GRAMD2B: variants seen among roughly 807,000 people sequenced by gnomAD.
GRAMD2B encodes the protein GRAM domain containing 2B, also known as GRAM domain-containing protein 2B.
A neutral mutation model predicts 59.2 loss-of-function variants in GRAMD2B; 41 were observed. The ratio of observed to expected loss-of-function variants is 0.69; its 90% confidence interval spans 0.54 to 0.90. The LOEUF is 0.90. GRAMD2B is among the 40% of genes least tolerant of loss of function. The pLI is 0.00. For missense variants in GRAMD2B, 424 were observed against 500.5 expected (o/e 0.85, Z 1.46); for synonymous variants, 161 against 182.7 (o/e 0.88, Z 0.96).
At chr5:126,363,799 G>T (rs1476527122) in intron 1 of GRAMD2B, among the ~76,000 whole-genome samples, 1 of 152,166 alleles carries the variant, frequency 6.6e-6, no homozygotes, top group African/African-American at 2.4e-5. Flanking sequence ...GTTAGTGGTT[G>T]CTTAGGGCAG....
In GRAMD2B at chr5:126,483,581, G is replaced by A. The variant is rs757291243; in HGVS notation, c.847+7G>A. 1 of 1,514,724 alleles carries A rather than the reference G, an allele frequency of 6.6e-7. No individual in the cohort carries two copies. Among genetic ancestry groups the A allele is most frequent in the South Asian group, 1.1e-5 (1 of 88,322 alleles). 93.8% of individuals were successfully genotyped at this position (1,514,724 alleles called of 1,614,324 possible). On this transcript the variant is annotated splice_region_variant and intron_variant, in intron 9 of 13. Coordinates refer to ENST00000285689, the MANE Select transcript of GRAMD2B (RefSeq NM_023927.4). ...GAATCTGAGAACTCTCGAGGTTTGG[G>A]AAATTGTTGTATTTTGACTAAAATT...
At chr5:126,391,786 T>A (rs1341332308) in intron 1 of GRAMD2B, among the ~76,000 whole-genome samples, 1 of 152,006 alleles carries the variant, frequency 6.6e-6, no homozygotes, top group East Asian at 1.9e-4. Context: ...GGGTACAGGG[T>A]TTTTTGGGGA....
At chr5:126,410,893 CTGTT>C (rs942353317) in intron 1 of GRAMD2B, among the ~76,000 whole-genome samples, 12 of 151,848 alleles carry the variant, frequency 7.9e-5, no homozygotes, top group South Asian at 2.1e-4. Flanking sequence ...TGTTTGTTGA[CTGTT>C]TGTATGTCTT....
intron 1 of GRAMD2B, among the ~76,000 whole-genome samples, chr5:126,439,397 G>A (rs1173263046): frequency 7.0e-6 from 1 of 143,484 alleles, no homozygotes; most frequent in Non-Finnish European, 1.5e-5. Flanking sequence ...CATGACCTCA[G>A]CTCACTGCAA....
intron 3 of GRAMD2B, among the ~76,000 whole-genome samples, chr5:126,470,864 A>G (rs755264613): frequency 6.6e-6 from 1 of 152,160 alleles, no homozygotes; most frequent in Admixed American, 6.6e-5. Context: ...TCAGCCTGCT[A>G]TGTCCCTTTT....
chr5:126,428,882 A>C (rs1460787886), intron 1 of GRAMD2B, among the ~76,000 whole-genome samples: 2 of 152,194 alleles, frequency 1.3e-5, no homozygotes, highest in Non-Finnish European at 2.9e-5. Flanking sequence ...AAAGTCAAAA[A>C]AATAACAGAT....
At chr5:126,399,187 T>A (rs1757616731) in intron 1 of GRAMD2B, among the ~76,000 whole-genome samples, 1 of 152,166 alleles carries the variant, frequency 6.6e-6, no homozygotes, top group East Asian at 1.9e-4. Flanking sequence ...TTAGTGTAAG[T>A]GGGGTATTGA....
intron 11 of GRAMD2B, among the ~76,000 whole-genome samples, chr5:126,486,488 C>A (rs1483932176): frequency 6.6e-6 from 1 of 152,148 alleles, no homozygotes; most frequent in Admixed American, 6.5e-5. Flanking sequence ...GGAAAATATG[C>A]CCAGTCTGGT....
chr5:126,437,085 G>A (rs1218751452), intron 1 of GRAMD2B, among the ~76,000 whole-genome samples: 1 of 152,188 alleles, frequency 6.6e-6, no homozygotes, highest in Non-Finnish European at 1.5e-5. Context: ...TATCTATAAG[G>A]CACAGGGGCC....
At position 126,467,596 on chromosome 5, in the gene GRAMD2B, T is replaced by A. The variant is rs970550466; in HGVS notation, c.203+2051T>A. 5.9e-5 allele frequency: 9 copies of A among 152,316 alleles called. No homozygotes were observed. In the East Asian group the frequency reaches 1.7e-3, roughly 29 times the overall value. The allele number at this position is 152,316 out of a possible 1,614,324, so 9.4% of individuals were successfully genotyped here. On this transcript the variant is annotated intron_variant, in intron 2 of 13. Transcript: ENST00000285689. ...TTTCCTTGCCCATTCCATTAACATT[T>A]ATTAATGGGAATCAGTAGAGGTGAT...
At chr5:126,447,339 G>A (rs1764429392) in intron 1 of GRAMD2B, among the ~76,000 whole-genome samples, 1 of 152,162 alleles carries the variant, frequency 6.6e-6, no homozygotes. Context: ...ATACTGTCTG[G>A]TGTAGCCAAA....
intron 1 of GRAMD2B, among the ~76,000 whole-genome samples, chr5:126,388,956 C>G (rs1255894049): frequency 2.0e-5 from 3 of 152,108 alleles, no homozygotes; most frequent in Non-Finnish European, 4.4e-5. Flanking sequence ...GACATCTCCA[C>G]TTGGCAATAT....
rs147604532 is a variant in GRAMD2B, at chr5:126,411,841, G to GGTGTGTGT, written c.125+40287_125+40294dup. The stretch of plus-strand genomic sequence containing the variant: ...CACCACATTGGTTAGATATATTTCT[G>GGTGTGTGT]GTGTGTGTGTGTGTGTGTGTTTGTG... On this transcript the variant is annotated intron_variant, in intron 1 of 8. Coordinates refer to the GRAMD2B transcript ENST00000506445. Among the ~76,000 whole-genome samples, 309 of 148,776 alleles carry GGTGTGTGT rather than the reference G, an allele frequency of 2.1e-3. 2 individuals are homozygous for GGTGTGTGT. The highest frequency in any genetic ancestry group is 5.1e-3 in the African/African-American group (207 of 40,328).
intron 1 of GRAMD2B, among the ~76,000 whole-genome samples, chr5:126,442,764 T>A (rs1763518524): frequency 6.6e-6 from 1 of 152,186 alleles, no homozygotes. Context: ...ATTACTTCTC[T>A]TCTTTAAAGA....
intron 5 of GRAMD2B, among the ~76,000 whole-genome samples, chr5:126,474,676 T>G (rs1412432032): frequency 6.6e-6 from 1 of 152,200 alleles, no homozygotes; most frequent in Non-Finnish European, 1.5e-5. Context: ...GAACAAAGTA[T>G]TAGTCTTTGT....
At chr5:126,367,641 T>G (rs1406517776), upstream of GRAMD2B, among the ~76,000 whole-genome samples, 2 of 152,348 alleles carry the variant, frequency 1.3e-5, no homozygotes, top group Non-Finnish European at 2.9e-5. Flanking sequence ...CAAGACTACA[T>G]TCTTTGAATT....
chr5:126,448,721 G>C (rs1764792911), intron 1 of GRAMD2B, among the ~76,000 whole-genome samples: 1 of 152,220 alleles, frequency 6.6e-6, no homozygotes, highest in Non-Finnish European at 1.5e-5. Context: ...AGGAGGTAAA[G>C]TCTACAGGTC....
intron 1 of GRAMD2B, among the ~76,000 whole-genome samples, chr5:126,409,248 T>C (rs1053291852): frequency 6.6e-6 from 1 of 152,148 alleles, no homozygotes; most frequent in African/African-American, 2.4e-5. Context: ...TTCTAGATCC[T>C]TGAGGAATCG....
At chr5:126,477,249 C>T (rs1770797902) in intron 5 of GRAMD2B, among the ~76,000 whole-genome samples, 1 of 152,140 alleles carries the variant, frequency 6.6e-6, no homozygotes, top group African/African-American at 2.4e-5. Flanking sequence ...GAATTCAGGT[C>T]CCAGATTTTC....
Sources: gnomAD v4.1 joint callset for allele counts (sites outside exome capture counted in the v4.1 genomes callset) on GRCh38, gnomAD v4.1.1 for gene constraint, MANE v1.5 for transcripts, NCBI Gene and HGNC (gene_info 2026-07-23, HGNC 2026-07-21) for gene names.